Variants in TMEM106C observed in about 807,000 individuals in gnomAD.
TMEM106C encodes endoplasmic reticulum membrane protein overexpressed in cancer.
A neutral mutation model predicts 30.8 loss-of-function variants in TMEM106C; 27 were observed. That is an observed-to-expected ratio of 0.88 (90% confidence interval 0.65 to 1.21). The LOEUF (loss-of-function observed/expected upper bound fraction) is 1.21. Ranked by LOEUF, TMEM106C falls within the 50% of genes most tolerant of loss-of-function variation. The probability of loss-of-function intolerance (pLI) is 0.00; values close to 1 mark genes in which losing one functional copy is unlikely to be tolerated. For synonymous variants in TMEM106C, 123 were observed against 118.8 expected (o/e 1.04, Z -0.23); for missense variants, 288 against 307.8 (o/e 0.94, Z 0.48).
At chr12:47,967,780 T>A (rs1938289028) in intron 7 of TMEM106C, among the ~76,000 whole-genome samples, 1 of 152,174 alleles carries the variant, frequency 6.6e-6, no homozygotes, top group South Asian at 2.1e-4. Flanking sequence ...GGGGCTGTTC[T>A]GTGCATTATA....
At chr12:47,967,306 G>C (rs1358683610) in intron 7 of TMEM106C, 45 bp downstream of exon 7, 2 of 1,608,018 alleles carry the variant, frequency 1.2e-6, no homozygotes, top group Non-Finnish European at 1.7e-6. Context: ...GGCCATGTGA[G>C]CCTACCACCT....
rs74088715 is a variant in TMEM106C, at chr12:47,967,740, C to T, written c.657-393C>T. The stretch of plus-strand genomic sequence containing the variant: ...GCAGAGTTTCTCAGCCTTGGCACTA[C>T]GAACATTTTGGGCCAGACCTTTGTT... On this transcript the variant is annotated intron_variant, in intron 7 of 7. Transcript: ENST00000429772. Among the ~76,000 whole-genome samples the T allele has an allele frequency of 8.1e-3, 1,233 of 152,170 alleles. 25 individuals carry two copies. The highest frequency in any genetic ancestry group is 0.028 in the African/African-American group (1,143 of 41,494).
intron 6 of TMEM106C, 155 bp downstream of exon 6, chr12:47,966,887 A>G (rs1938245663): frequency 1.4e-6 from 1 of 722,754 alleles, no homozygotes; most frequent in Non-Finnish European, 2.4e-6. Context: ...TGAAGAATGT[A>G]TTATTATTAT....
At chr12:47,966,431 A>C (rs1263214773) in intron 5 of TMEM106C, 17 of 716,860 alleles carry the variant, frequency 2.4e-5, no homozygotes, top group Admixed American at 1.2e-4. Context: ...GGGGAGCAGA[A>C]TAATTTGTAA....
chr12:47,967,056 C>T (rs1489926768), intron 6 of TMEM106C, 152 bp from the exon 7 acceptor site: 2 of 778,850 alleles, frequency 2.6e-6, no homozygotes, highest in Non-Finnish European at 2.2e-6. Flanking sequence ...ATGAAAATGA[C>T]AGTGGCAGGG....
Position 47,968,258 on chromosome 12 carries a change from C to A in TMEM106C, c.*29C>A. ...CTGCTATTGGTTCTTCCACACAGCG[C>A]CTGTAGAAGAGAGCACAGCATATGT... On this transcript the variant is annotated 3_prime_UTR_variant, in exon 8 of 8. Coordinates refer to ENST00000429772, the MANE Select transcript of TMEM106C (RefSeq NM_001143842.2). 6.5e-7 allele frequency: 1 copy of A among 1,537,608 alleles called. No homozygotes were observed. The highest frequency in any genetic ancestry group is 9.0e-7 in the Non-Finnish European group (1 of 1,111,740).
chr12:47,965,260 T>A (rs371644149), intron 2 of TMEM106C, 22 bp from the exon 3 acceptor site: 3 of 1,610,538 alleles, frequency 1.9e-6, no homozygotes, highest in Non-Finnish European at 2.5e-6. Context: ...ATTTACAAAA[T>A]AATTGTTTGG....
intron 6 of TMEM106C, 154 bp downstream of exon 6, chr12:47,966,886 T>C (rs942020180): frequency 8.3e-6 from 6 of 723,306 alleles, no homozygotes; most frequent in Admixed American, 7.7e-5. Context: ...TTGAAGAATG[T>C]ATTATTATTA....
Position 47,967,261 on chromosome 12 carries a change from G to A in TMEM106C, c.656G>A (p.Arg219Gln), listed in dbSNP as rs763592176. The stretch of plus-strand genomic sequence containing the variant: ...GTGCACAACATAGTGATCTTCATGC[G>A]GTGCGTCTCTCTTCCCTATCCCGAT... ...ILVHNIVIFM[R>Q]TSVKISYIGL... The change falls in exon 7 of 8, where the codon CGA becomes CAA. Residue 219 changes from arginine to glutamine, a missense_variant and splice_region_variant. Arg to Gln is a conservative substitution (Grantham distance 43). Coordinates refer to ENST00000429772, the MANE Select transcript of TMEM106C (RefSeq NM_001143842.2). 2.4e-5 allele frequency: 38 copies of A among 1,613,952 alleles called. No individual in the cohort carries two copies. Among genetic ancestry groups the A allele is most frequent in the Non-Finnish European group, 1.9e-5 (22 of 1,180,006 alleles).
intron 7 of TMEM106C, 146 bp from the exon 8 acceptor site, chr12:47,967,987 G>A (rs1938296431): frequency 8.2e-6 from 5 of 608,888 alleles, no homozygotes; most frequent in Non-Finnish European, 1.5e-5. Context: ...AAGATCTTCT[G>A]GCCTCCTGGT....
chr12:47,964,829 G>A (rs1408130448), intron 2 of TMEM106C: 2 of 288,306 alleles, frequency 6.9e-6, no homozygotes, highest in Non-Finnish European at 1.3e-5. Flanking sequence ...CAGGTCAAGA[G>A]AGAGAGACAA....
chr12:47,966,421 G>T, intron 5 of TMEM106C, 192 bp downstream of exon 5: 1 of 727,170 alleles, frequency 1.4e-6, no homozygotes, highest in East Asian at 2.7e-5. Context: ...TTAAGCATTT[G>T]GGGAGCAGAA....
In TMEM106C at chr12:47,967,207, GCTT is replaced by G. The variant is rs1444174424; in HGVS notation, c.608_610del (p.Phe203del). The G allele has an allele frequency of 5.0e-6, 8 of 1,613,632 alleles. No individual in the cohort carries two copies. In the South Asian group the frequency reaches 5.5e-5, roughly 11 times the overall value. ...CTATTTCCATATTTGCTGTTTGGTA[GCTT>G]CTTCTGCACGGTACCTGAGATCCTG... On this transcript the variant is annotated inframe_deletion and splice_region_variant, in exon 7 of 8. Transcript: ENST00000429772.
At chr12:47,965,739 T>G in intron 3 of TMEM106C, 99 bp from the exon 4 acceptor site, 4 of 1,473,088 alleles carry the variant, frequency 2.7e-6, no homozygotes, top group Non-Finnish European at 3.7e-6. Flanking sequence ...GGAACTTCCC[T>G]TTCAGCTCCC....
At position 47,968,130 on chromosome 12, in the gene TMEM106C, T is replaced by G. The variant is rs1026233849; in HGVS notation, c.657-3T>G. 3 of 1,609,156 alleles carry G rather than the reference T, an allele frequency of 1.9e-6. No individual in the cohort carries two copies. Among genetic ancestry groups the G allele is most frequent in the African/African-American group, 2.7e-5 (2 of 74,834 alleles). On this transcript the variant is annotated splice_region_variant and splice_polypyrimidine_tract_variant and intron_variant, in intron 7 of 7. Transcript: ENST00000429772. ...TAATTCTTCTTGGTTTTCTTTTCCC[T>G]AGAACTTCAGTGAAGATTTCATACA...
rs765414823 is a variant in TMEM106C, at chr12:47,968,308, AC to A, written c.*84del. The A allele has an allele frequency of 1.8e-6, 2 of 1,116,562 alleles. No individual in the cohort carries two copies. The highest frequency in any genetic ancestry group is 1.2e-5 in the South Asian group (1 of 80,644). The allele number at this position is 1,116,562 out of a possible 1,614,324, so 69.2% of individuals were successfully genotyped here. On this transcript the variant is annotated 3_prime_UTR_variant, in exon 8 of 8. Transcript: ENST00000429772. The stretch of plus-strand genomic sequence containing the variant: ...TTCCCAAGGCCTGAGTTCTGGACCT[AC>A]CCCCACGTGGTGTAAGCAGAGGAGG...
chr12:47,968,278 A>G lies in TMEM106C; in HGVS notation c.*49A>G. ...CAGCGCCTGTAGAAGAGAGCACAGC[A>G]TATGTTCCCAAGGCCTGAGTTCTGG... is the stretch of plus-strand genomic sequence containing the variant. On this transcript the variant is annotated 3_prime_UTR_variant, in exon 8 of 8. Coordinates refer to ENST00000429772, the MANE Select transcript of TMEM106C (RefSeq NM_001143842.2). 2 of 1,449,564 alleles carry G rather than the reference A, an allele frequency of 1.4e-6. No individual in the cohort carries two copies. The highest frequency in any genetic ancestry group is 1.9e-6 in the Non-Finnish European group (2 of 1,033,954). The allele number at this position is 1,449,564 out of a possible 1,614,324, so 89.8% of individuals were successfully genotyped here.
chr12:47,966,192 C>G lies in TMEM106C; in HGVS notation c.515C>G (p.Thr172Ser). ...MNTVVSTYVTTNVSLIPPRSE... is the reference protein window; with the variant it reads ...MNTVVSTYVTSNVSLIPPRSE... ...ACAGTGGTCAGTACATATGTGACTA[C>G]TAACGTCTCCCTTATTCCACCTCGG... is the stretch of plus-strand genomic sequence containing the variant. Residue 172 changes from threonine to serine, a missense_variant, in exon 5 of 8, where the codon ACT becomes AGT. Physicochemically the swap from Thr to Ser is moderately conservative, Grantham distance 58 (BLOSUM62 1). Transcript: ENST00000429772. 6.2e-7 allele frequency: 1 copy of G among 1,614,182 alleles called. No individual in the cohort carries two copies. Among genetic ancestry groups the G allele is most frequent in the Non-Finnish European group, 8.5e-7 (1 of 1,180,036 alleles).
Position 47,968,300 on chromosome 12 carries a change from C to G in TMEM106C, c.*71C>G. ...AGCATATGTTCCCAAGGCCTGAGTTCTGGACCTACCCCCACGTGGTGTAAG... is the reference window on the plus strand; with the variant it reads ...AGCATATGTTCCCAAGGCCTGAGTTGTGGACCTACCCCCACGTGGTGTAAG... On this transcript the variant is annotated 3_prime_UTR_variant, in exon 8 of 8. Transcript: ENST00000429772. The G allele has an allele frequency of 8.3e-7, 1 of 1,201,828 alleles. No individual in the cohort carries two copies. Among genetic ancestry groups the G allele is most frequent in the Admixed American group, 1.7e-5 (1 of 59,200 alleles). 74.4% of individuals were successfully genotyped at this position (1,201,828 alleles called of 1,614,324 possible). A position where few individuals can be genotyped will look rare whatever the true frequency, so the allele number is the denominator to read the frequency against.
Sources: allele counts gnomAD v4.1 joint callset (sites outside exome capture counted in the v4.1 genomes callset), GRCh38; gene constraint gnomAD v4.1.1; transcripts MANE v1.5; gene names NCBI Gene and HGNC (gene_info 2026-07-23, HGNC 2026-07-21).